The following PLEKHG5 variants were observed in gnomAD, a reference collection of about 807,000 sequenced individuals.
PLEKHG5 encodes the protein pleckstrin homology and RhoGEF domain containing G5.
Under a neutral mutation model 103.8 loss-of-function variants are expected in PLEKHG5, and 52 were observed. That is an observed-to-expected ratio of 0.50 (90% confidence interval 0.40 to 0.63). The LOEUF is 0.63. PLEKHG5 is among the 30% of genes least tolerant of loss of function. PLEKHG5 has a pLI of 0.00. For missense variants in PLEKHG5, 1,205 were observed against 1,347.6 expected (o/e 0.89, Z 1.66); for synonymous variants, 592 against 575.5 (o/e 1.03, Z -0.41).
At chr1:6,499,964 T>A (rs576939192), upstream of PLEKHG5, among the ~76,000 whole-genome samples, 10 of 152,258 alleles carry the variant, frequency 6.6e-5, no homozygotes, top group African/African-American at 2.4e-4. Context: ...CATACCTGGC[T>A]AACTTTTTAA....
rs138297515 is a variant in PLEKHG5 at position 6,513,363 on chromosome 1, C to T, written c.-165+6082G>A. Among the ~76,000 whole-genome samples, 381 of 152,368 alleles carry T rather than the reference C, an allele frequency of 2.5e-3. 5 individuals carry two copies. Among genetic ancestry groups the T allele is most frequent in the African/African-American group, 8.8e-3 (364 of 41,592 alleles). ...TCCCTGGCATCCAAGTAGGACCATG[C>T]CCAGAGGGCAGCCCACATGCCTGGA... is the stretch of plus-strand genomic sequence containing the variant. On this transcript the variant is annotated intron_variant, in intron 1 of 21. Transcript: ENST00000377740.
At chr1:6,504,894 G>T (rs1011995711) in intron 1 of PLEKHG5, among the ~76,000 whole-genome samples, 1 of 152,048 alleles carries the variant, frequency 6.6e-6, no homozygotes, top group Non-Finnish European at 1.5e-5. Flanking sequence ...AAAACCCTTC[G>T]CTGTATGGTC....
At chr1:6,511,765 G>T (rs781043452) in intron 1 of PLEKHG5, among the ~76,000 whole-genome samples, 5 of 152,216 alleles carry the variant, frequency 3.3e-5, no homozygotes, top group Non-Finnish European at 5.9e-5. Flanking sequence ...CCTGACTGCA[G>T]CCCCCCCAGA....
intron 1 of PLEKHG5, among the ~76,000 whole-genome samples, chr1:6,484,452 G>A (rs547897312): frequency 2.0e-4 from 30 of 152,316 alleles, no homozygotes; most frequent in African/African-American, 6.7e-4. Flanking sequence ...TTCCGACTTC[G>A]TCGAGCAGAT....
chr1:6,493,690 C>G (rs538866215), upstream of PLEKHG5, among the ~76,000 whole-genome samples: 43 of 152,294 alleles, frequency 2.8e-4, no homozygotes, highest in Non-Finnish European at 4.9e-4. Context: ...GAGTCTCGCT[C>G]TGTTGCCCAG....
chr1:6,485,513 T>C, intron 1 of PLEKHG5: 1 of 1,228,664 alleles, frequency 8.1e-7, no homozygotes, highest in Non-Finnish European at 1.0e-6. Context: ...CCTGCCATTG[T>C]GCGGCCGCGC....
At chr1:6,515,590 G>C (rs986041986) in intron 1 of PLEKHG5, among the ~76,000 whole-genome samples, 2 of 152,052 alleles carry the variant, frequency 1.3e-5, no homozygotes, top group African/African-American at 4.8e-5. Flanking sequence ...ACTTGGGAAG[G>C]CTGAGGTGGG....
At chr1:6,492,410 A>G (rs1557763609), upstream of PLEKHG5, among the ~76,000 whole-genome samples, 3 of 152,144 alleles carry the variant, frequency 2.0e-5, no homozygotes. Flanking sequence ...GCCACCTCAC[A>G]GGAGGGCAGG....
At chr1:6,512,157 C>T (rs1451773747) in intron 1 of PLEKHG5, among the ~76,000 whole-genome samples, 1 of 152,202 alleles carries the variant, frequency 6.6e-6, no homozygotes, top group African/African-American at 2.4e-5. Context: ...GCCTGGAGAC[C>T]TGCCCATGTC....
chr1:6,489,003 A>G (rs1470655841), intron 1 of PLEKHG5, among the ~76,000 whole-genome samples: 3 of 151,976 alleles, frequency 2.0e-5, no homozygotes, highest in Non-Finnish European at 2.9e-5. Flanking sequence ...CTGGGGCCCC[A>G]GCCTGGTCTG....
chr1:6,492,136 G>A (rs1312102666), upstream of PLEKHG5, among the ~76,000 whole-genome samples: 2 of 152,218 alleles, frequency 1.3e-5, no homozygotes, highest in Admixed American at 6.5e-5. Context: ...CCACCGCAGC[G>A]GGGGAGGCGG....
intron 1 of PLEKHG5, among the ~76,000 whole-genome samples, chr1:6,511,938 C>T (rs78665373): frequency 0.016 from 2,439 of 152,338 alleles, 74 homozygotes; most frequent in African/African-American, 0.056. Flanking sequence ...TGCTCAGGAA[C>T]AGACTCCTGC....
chr1:6,479,858 G>C (rs780015627), intron 1 of PLEKHG5, among the ~76,000 whole-genome samples: 2 of 152,012 alleles, frequency 1.3e-5, no homozygotes, highest in Non-Finnish European at 2.9e-5. Context: ...CAATCTGCCC[G>C]CCTTGACCTC....
At chr1:6,513,571 G>A (rs143897611) in intron 1 of PLEKHG5, among the ~76,000 whole-genome samples, 1 of 152,356 alleles carries the variant, frequency 6.6e-6, no homozygotes, top group East Asian at 1.9e-4. Flanking sequence ...ACTGCCAGCT[G>A]CTGGCCACTG....
At chr1:6,502,691 A>G (rs1317481069) in intron 1 of PLEKHG5, among the ~76,000 whole-genome samples, 1 of 152,110 alleles carries the variant, frequency 6.6e-6, no homozygotes, top group Non-Finnish European at 1.5e-5. Flanking sequence ...TGAGATCCCA[A>G]TTCCCGACAG....
intron 1 of PLEKHG5, among the ~76,000 whole-genome samples, chr1:6,482,131 C>T (rs886214319): frequency 6.6e-6 from 1 of 152,050 alleles, no homozygotes; most frequent in Non-Finnish European, 1.5e-5. Context: ...CCCTGCCTTC[C>T]CTCCCCTCCT....
At position 6,490,392 on chromosome 1, in the gene PLEKHG5, C is replaced by A. The variant is rs761882128; in HGVS notation, c.-88+1245G>T. ...GTCCATCGGTTTAGGGGGGTCCTGG[C>A]GCCTAGTCCCACCCCCCGTCCGGAG... On this transcript the variant is annotated intron_variant, in intron 1 of 20. Transcript: ENST00000377728. This position sits in a 1 kb window ranked among gnomAD's most constrained non-coding sequence, Gnocchi z 8.0. 9.5e-6 allele frequency: 9 copies of A among 948,558 alleles called. No homozygotes were observed. The highest frequency in any genetic ancestry group is 1.1e-5 in the Non-Finnish European group (9 of 796,756). The allele number at this position is 948,558 out of a possible 1,614,324, so 58.8% of individuals were successfully genotyped here.
At chr1:6,488,602 G>C (rs1645083376) in intron 1 of PLEKHG5, among the ~76,000 whole-genome samples, 1 of 152,184 alleles carries the variant, frequency 6.6e-6, no homozygotes, top group Non-Finnish European at 1.5e-5. Flanking sequence ...CAAGGGTGGG[G>C]GACTGTTCCT....
rs1176825416 is a variant in PLEKHG5 at position 6,468,506 on chromosome 1, C to G, written c.2330G>C (p.Ser777Thr). 1 of 1,613,058 alleles carries G rather than the reference C, an allele frequency of 6.2e-7. No homozygotes were observed. Among genetic ancestry groups the G allele is most frequent in the South Asian group, 1.1e-5 (1 of 91,070 alleles). Reference protein sequence around the residue: ...GDTLSSPEFDSGPFSSQSDET... With the variant: ...GDTLSSPEFDTGPFSSQSDET... ...ATCAGACTGGGAGCTGAAAGGACCGCTGTCGAACTCGGGGGAGGACAGCGT... is the reference window on the plus strand; with the variant it reads ...ATCAGACTGGGAGCTGAAAGGACCGGTGTCGAACTCGGGGGAGGACAGCGT... The change falls in exon 20 of 21, where the codon AGC becomes ACC. Residue 777 changes from serine to threonine, a missense_variant. Ser to Thr is a moderately conservative substitution (Grantham distance 58, BLOSUM62 1). Coordinates refer to ENST00000377728, the MANE Select transcript of PLEKHG5 (RefSeq NM_020631.6).
Sources: gnomAD v4.1 joint callset for allele counts (sites outside exome capture counted in the v4.1 genomes callset) on GRCh38, gnomAD v4.1.1 for gene constraint, Gnocchi (gnomAD v3.1) non-coding constraint, MANE v1.5 for transcripts, NCBI Gene and HGNC (gene_info 2026-07-23, HGNC 2026-07-21) for gene names.